The following NAV1 variants were observed in gnomAD, a reference collection of about 807,000 sequenced individuals.
NAV1 encodes the protein pore membrane and/or filament interacting like protein 3.
Under a neutral mutation model 175.2 loss-of-function variants are expected in NAV1, and 18 were observed. The ratio of observed to expected loss-of-function variants is 0.10; its 90% CI spans 0.07 to 0.15. The LOEUF (loss-of-function observed/expected upper bound fraction) is 0.15, where lower values mean the gene tolerates loss of function less well. NAV1 is among the 10% of genes least tolerant of loss of function. The pLI, the probability that NAV1 is intolerant of heterozygous loss-of-function variation, is 1.00. For synonymous variants in NAV1, 897 were observed against 978.7 expected, an observed-to-expected ratio of 0.92 and a Z score of 1.56; for missense variants, 1,731 against 2,436.6, an observed-to-expected ratio of 0.71 and a Z score of 6.10.
chr1:201,809,583 A>AAT, intron 22 of NAV1, 46 bp downstream of exon 26: 13 of 1,559,536 alleles, frequency 8.3e-6, no homozygotes, highest in Non-Finnish European at 1.1e-5. Flanking sequence ...CCTCTCGTGG[A>AAT]ATATATATAC....
chr1:201,638,624 T>C (rs983787654), intron 2 of NAV1, among the ~76,000 whole-genome samples: 1 of 152,242 alleles, frequency 6.6e-6, no homozygotes, highest in Admixed American at 6.5e-5. Flanking sequence ...TCTCTAGAAA[T>C]AGCTGCATGG....
intron 1 of NAV1, chr1:201,688,331 C>T (rs1019356058): frequency 2.0e-5 from 3 of 152,088 alleles, no homozygotes; most frequent in Admixed American, 6.5e-5. Context: ...CCAGGAGGGA[C>T]GTGAATCTGC....
intron 29 of NAV1, among the ~76,000 whole-genome samples, chr1:201,819,215 G>T (rs1199101565): frequency 1.3e-5 from 2 of 152,116 alleles, no homozygotes; most frequent in Non-Finnish European, 2.9e-5. Context: ...GTATGTTCAG[G>T]CCTTCCCTCC....
intron 1 of NAV1, among the ~76,000 whole-genome samples, 182 bp from the exon 4 acceptor site, chr1:201,629,222 C>T (rs1668418852): frequency 6.6e-6 from 1 of 152,200 alleles, no homozygotes; most frequent in Non-Finnish European, 1.5e-5. Context: ...GCACAGAAGG[C>T]CTGCTGCCTG....
intron 1 of NAV1, among the ~76,000 whole-genome samples, chr1:201,671,938 G>A (rs988809035): frequency 6.6e-6 from 1 of 152,158 alleles, no homozygotes; most frequent in African/African-American, 2.4e-5. Flanking sequence ...AGAGATATAA[G>A]ACTCTCTCTG....
Position 201,809,262 on chromosome 1 carries a change from G to A in NAV1, c.4305+1G>A. On this transcript the variant is annotated splice_donor_variant, in intron 21 of 29. Coordinates refer to ENST00000367296, the Ensembl canonical transcript of NAV1. LOFTEE classifies it high-confidence loss of function. ...GCCCCCGCAGCACATCATCAAAGGG[G>A]TAAGGAACTTCAGGGAGAGCCACAG... 6.2e-7 allele frequency: 1 copy of A among 1,613,822 alleles called. No homozygotes were observed. The highest frequency in any genetic ancestry group is 8.5e-7 in the Non-Finnish European group (1 of 1,179,792).
chr1:201,598,324 G>A (rs1667414042), intron 2 of NAV1, among the ~76,000 whole-genome samples: 1 of 152,366 alleles, frequency 6.6e-6, no homozygotes, highest in East Asian at 1.9e-4. Flanking sequence ...GCAGGGCAGA[G>A]AGATGAGTCT....
At chr1:201,557,851 C>T (rs1005570443) in intron 1 of NAV1, among the ~76,000 whole-genome samples, 13 of 152,062 alleles carry the variant, frequency 8.5e-5, no homozygotes, top group Admixed American at 2.0e-4. Context: ...TGTAGAAGGA[C>T]GAAAGGACTC....
intron 1 of NAV1, among the ~76,000 whole-genome samples, chr1:201,543,995 C>T (rs1262291): frequency 0.012 from 1,865 of 152,358 alleles, 46 homozygotes; most frequent in African/African-American, 0.043. Flanking sequence ...GGGGCCACCA[C>T]TGGCCCTGAT....
At chr1:201,664,919 C>T (rs1669754281) in intron 1 of NAV1, among the ~76,000 whole-genome samples, 1 of 152,112 alleles carries the variant, frequency 6.6e-6, no homozygotes, top group Admixed American at 6.5e-5. Flanking sequence ...GTCCTTGGGC[C>T]CAGGTGTCCT....
intron 2 of NAV1, among the ~76,000 whole-genome samples, chr1:201,642,569 CCCTT>C (rs1668825329): frequency 8.4e-6 from 1 of 119,080 alleles, no homozygotes; most frequent in Non-Finnish European, 1.6e-5. Flanking sequence ...TCCCTTTCTT[CCCTT>C]CCTTCTCTTT....
exon 5 of NAV1, chr1:201,781,068 T>C: frequency 1.2e-6 from 2 of 1,614,154 alleles, no homozygotes; most frequent in Admixed American, 1.7e-5. Context: ...GCTGGTTTAG[T>C]GAATCAGAGG....
At chr1:201,666,890 T>C (rs763198874) in intron 1 of NAV1, among the ~76,000 whole-genome samples, 1 of 151,940 alleles carries the variant, frequency 6.6e-6, no homozygotes, top group Non-Finnish European at 1.5e-5. Context: ...CCCTCCACCA[T>C]GTTCCGTGGT....
chr1:201,698,413 G>A (rs1671278068), intron 1 of NAV1, among the ~76,000 whole-genome samples: 1 of 152,372 alleles, frequency 6.6e-6, no homozygotes, highest in East Asian at 1.9e-4. Flanking sequence ...CAAGACAGTG[G>A]CTAAGTGGAA....
chr1:201,626,422 C>T (rs1668331998), intron 1 of NAV1, among the ~76,000 whole-genome samples: 1 of 152,214 alleles, frequency 6.6e-6, no homozygotes, highest in Non-Finnish European at 1.5e-5. Flanking sequence ...TTGCAGCCAT[C>T]TTCTCCCCTG....
rs1476506653 is a variant in NAV1 at position 201,810,089 on chromosome 1, A to G, written c.4545A>G (p.Ile1515Met). Residue 1515 changes from isoleucine to methionine, a missense_variant, in exon 23 of 30, where the codon ATA (isoleucine) becomes ATG (methionine). By Grantham distance (10) the Ile-to-Met change is conservative (BLOSUM62 1). Coordinates refer to ENST00000367296, the Ensembl canonical transcript of NAV1. The surrounding 1 kb of genome is among the most constrained non-coding windows in gnomAD (Gnocchi z 6.0). ...CTTGCCGTCGAGGTGTCAATAACAT[A>G]TCAGTCTCCCTCAAAGGTCAGTCTT... is the stretch of plus-strand genomic sequence containing the variant. The G allele has an allele frequency of 6.2e-7, 1 of 1,613,888 alleles. No individual in the cohort carries two copies. The highest frequency in any genetic ancestry group is 1.6e-4 in the Middle Eastern group (1 of 6,062).
intron 1 of NAV1, among the ~76,000 whole-genome samples, chr1:201,669,225 G>A (rs1207085475): frequency 1.3e-5 from 2 of 152,216 alleles, no homozygotes; most frequent in Non-Finnish European, 2.9e-5. Context: ...TGGAGCAAAT[G>A]ATCACAGAAT....
rs923508925 is a variant in NAV1 at position 201,800,418 on chromosome 1, G to T, written c.3518-3175G>T. Among the ~76,000 whole-genome samples, 15 of 152,348 alleles carry T rather than the reference G, an allele frequency of 9.8e-5. No individual in the cohort carries two copies. The East Asian group carries it at 1.7e-3, about 18-fold the overall frequency. The stretch of plus-strand genomic sequence containing the variant: ...GGGCAAATCATGGCCCATCAGCCAA[G>T]TCTGGCTCACCACTCTGTTTGTAAA... On this transcript the variant is annotated intron_variant, in intron 15 of 29. Coordinates refer to ENST00000367296, the Ensembl canonical transcript of NAV1.
At chr1:201,544,943 A>G (rs1354269141) in intron 1 of NAV1, among the ~76,000 whole-genome samples, 3 of 152,240 alleles carry the variant, frequency 2.0e-5, no homozygotes, top group Non-Finnish European at 4.4e-5. Context: ...ACTTGAACTC[A>G]AGGTTCAAAC....
Sources: gnomAD v4.1 joint callset for allele counts (sites outside exome capture counted in the v4.1 genomes callset) on GRCh38, gnomAD v4.1.1 for gene constraint, Gnocchi (gnomAD v3.1) non-coding constraint, MANE v1.5 for transcripts, NCBI Gene and HGNC (gene_info 2026-07-23, HGNC 2026-07-21) for gene names.